Variants in KCP observed in about 807,000 individuals in gnomAD.
KCP encodes kielin/chordin-like protein.
KCP carries 194 observed loss-of-function variants against 212.7 expected under a neutral mutation model. The observed-to-expected ratio is 0.91, with a 90% CI of 0.81 to 1.03. The LOEUF is 1.03. KCP is among the 50% of genes least tolerant of loss of function. The probability of loss-of-function intolerance (pLI) is 0.00; values close to 1 mark genes in which losing one functional copy is unlikely to be tolerated. For missense variants in KCP, 2,080 were observed against 2,162.5 expected (o/e 0.96, Z 0.76); for synonymous variants, 833 against 865.3 (o/e 0.96, Z 0.65).
chr7:128,884,838 G>A lies in KCP; in HGVS notation c.3066C>T (p.Tyr1022=), dbSNP rs377524953. ...CSDCEHEGRK[Y]EPGESFQPGA... Reference sequence around the variant, plus strand: ...CAGGCTGGAAGCTCTCCCCAGGCTCGTACTTCCGGCCCTCATGCTCACAGT... The same window carrying A: ...CAGGCTGGAAGCTCTCCCCAGGCTCATACTTCCGGCCCTCATGCTCACAGT... Residue 1022 remains tyrosine, a synonymous_variant, in exon 28 of 40, where the codon TAC becomes TAT. Coordinates refer to ENST00000610776, the MANE Select transcript of KCP (RefSeq NM_001366122.1). 1.6e-4 allele frequency: 245 copies of A among 1,551,008 alleles called. 1 individual carries two copies. The Middle Eastern group carries it at 1.7e-3, about 11-fold the overall frequency.
At chr7:128,893,766 A>G in intron 11 of KCP, 40 bp downstream of exon 11, 2 of 1,534,742 alleles carry the variant, frequency 1.3e-6, no homozygotes, top group Non-Finnish European at 1.8e-6. Flanking sequence ...CTCTGCAGCC[A>G]AGGCCTGCCC....
At chr7:128,890,555 G>C in intron 20 of KCP, 42 bp from the exon 21 acceptor site, 1 of 1,509,192 alleles carries the variant, frequency 6.6e-7, no homozygotes, top group South Asian at 1.2e-5. Context: ...GGGGACTAGA[G>C]GGCTGTGGGG....
chr7:128,889,020 C>A lies in KCP; in HGVS notation c.2355G>T (p.Glu785Asp). The change falls in exon 22 of 40, where the codon GAG becomes GAT. Residue 785 changes from glutamate to aspartate, a missense_variant. Transcript: ENST00000610776. ...PDCDGCEYLG[E>D]SYLSNQEFPD... is the part of the protein sequence containing the mutation. Reference sequence around the variant, plus strand: ...GGAACTCCTGGTTACTCAGGTAGGACTCCCCCAGGTACTCACAGCCTTTCA... The same window carrying A: ...GGAACTCCTGGTTACTCAGGTAGGAATCCCCCAGGTACTCACAGCCTTTCA... The A allele has an allele frequency of 6.6e-7, 1 of 1,519,018 alleles. No homozygotes were observed. Among genetic ancestry groups the A allele is most frequent in the South Asian group, 1.2e-5 (1 of 81,572 alleles). The allele number at this position is 1,519,018 out of a possible 1,614,324, so 94.1% of individuals were successfully genotyped here.
intron 8 of KCP, among the ~76,000 whole-genome samples, chr7:128,896,427 T>A (rs1434174117): frequency 6.6e-6 from 1 of 152,126 alleles, no homozygotes; most frequent in Non-Finnish European, 1.5e-5. Context: ...CGGTTAAGAA[T>A]GGGTTTGGCA....
At chr7:128,887,033 T>G (rs1165521627) in intron 23 of KCP, 67 bp from the exon 24 acceptor site, 1 of 1,056,002 alleles carries the variant, frequency 9.5e-7, no homozygotes, top group African/African-American at 1.6e-5. Context: ...GAGCCCCTAC[T>G]GAGCCTGCAG....
chr7:128,880,493 C>G lies in KCP; in HGVS notation c.3652G>C (p.Val1218Leu). The G allele has an allele frequency of 6.5e-7, 1 of 1,529,852 alleles. No individual in the cohort carries two copies. Among genetic ancestry groups the G allele is most frequent in the Non-Finnish European group, 8.8e-7 (1 of 1,133,206 alleles). 94.8% of individuals were successfully genotyped at this position (1,529,852 alleles called of 1,614,324 possible). A position where few individuals can be genotyped will look rare whatever the true frequency, so the allele number is the denominator to read the frequency against. The part of the protein sequence containing the change: ...TQSCVHQGRE[V>L]ASGERWTVDT... ...ACAGTCCAGCGCTCTCCAGAGGCCACCTCACGGCCCTGGTGCACGCAGGAC... is the reference window on the plus strand; with the variant it reads ...ACAGTCCAGCGCTCTCCAGAGGCCAGCTCACGGCCCTGGTGCACGCAGGAC... Residue 1218 changes from valine to leucine, a missense_variant, in exon 34 of 40, where the codon GTG becomes CTG. By Grantham distance (32) the Val-to-Leu change is conservative (BLOSUM62 1). Transcript: ENST00000610776.
rs1258977482 is a variant in KCP at position 128,908,526 on chromosome 7, G to A, written c.119C>T (p.Ala40Val). 1 of 1,551,590 alleles carries A rather than the reference G, an allele frequency of 6.4e-7. No individual in the cohort carries two copies. The highest frequency in any genetic ancestry group is 2.4e-5 in the East Asian group (1 of 40,918). ...PREPPGQQTT[A>V]HSSVLAGNSQ... ...GTTCCCAGCAAGGACTGAGGAATGG[G>A]CAGTTGTCTGCTGCCCAGGGGGCTC... Residue 40 changes from alanine (A) to valine (V), a missense_variant, in exon 2 of 40, where the codon GCC (alanine) becomes GTC (valine). Transcript: ENST00000610776.
chr7:128,884,688 T>C, intron 28 of KCP, 93 bp downstream of exon 28: 1 of 1,192,786 alleles, frequency 8.4e-7, no homozygotes, highest in Non-Finnish European at 1.2e-6. Context: ...GAGTGCCTGC[T>C]CCATGCAGTG....
At chr7:128,883,228 C>T (rs1793439660) in intron 29 of KCP, among the ~76,000 whole-genome samples, 1 of 151,728 alleles carries the variant, frequency 6.6e-6, no homozygotes, top group Non-Finnish European at 1.5e-5. Context: ...CAACCTCTGC[C>T]TCCCGGGTTC....
chr7:128,883,707 G>A (rs1032042035), intron 29 of KCP, among the ~76,000 whole-genome samples: 1 of 152,188 alleles, frequency 6.6e-6, no homozygotes, highest in Non-Finnish European at 1.5e-5. Context: ...CCACCCCTGT[G>A]GCTGGGCTAC....
intron 4 of KCP, 131 bp from the exon 5 acceptor site, chr7:128,906,494 G>C (rs1795125813): frequency 2.8e-6 from 2 of 703,364 alleles, no homozygotes; most frequent in Non-Finnish European, 5.1e-6. Context: ...GTGGATGTGG[G>C]CTACCCTCTG....
Position 128,884,113 on chromosome 7 carries a change from C to CAG in KCP, c.3131_3132dup (p.Glu1045LeufsTer41), listed in dbSNP as rs1343482241. On this transcript the variant is annotated frameshift_variant, in exon 29 of 40. Transcript: ENST00000610776. LOFTEE classifies it high-confidence loss of function. ...TGACAGCGAAGGCTGGGAGGCCCCT[C>CAG]AGGCTGTGGCTACAAGAATGAGTGA... 6.5e-7 allele frequency: 1 copy of CAG among 1,544,036 alleles called. No homozygotes were observed. Among genetic ancestry groups the CAG allele is most frequent in the Non-Finnish European group, 8.7e-7 (1 of 1,145,136 alleles).
chr7:128,885,583 A>C (rs1289631935), intron 26 of KCP, among the ~76,000 whole-genome samples: 2 of 152,206 alleles, frequency 1.3e-5, no homozygotes. Context: ...TCATAAATGC[A>C]TGTGGACCAG....
intron 23 of KCP, 39 bp downstream of exon 23, chr7:128,887,176 G>A (rs1793705053): frequency 6.6e-7 from 1 of 1,515,630 alleles, no homozygotes; most frequent in South Asian, 1.2e-5. Context: ...GAGTATCAAG[G>A]GAGGAAAGGT....
chr7:128,901,920 C>T (rs1794871107), intron 8 of KCP, among the ~76,000 whole-genome samples: 1 of 152,198 alleles, frequency 6.6e-6, no homozygotes, highest in Non-Finnish European at 1.5e-5. Context: ...ACGTTCCCCT[C>T]TTTTTCCCTG....
Position 128,884,875 on chromosome 7 carries a change from A to C in KCP, c.3041-12T>G. The C allele has an allele frequency of 6.5e-7, 1 of 1,550,358 alleles. No homozygotes were observed. Among genetic ancestry groups the C allele is most frequent in the Non-Finnish European group, 8.7e-7 (1 of 1,146,746 alleles). The stretch of plus-strand genomic sequence containing the variant: ...CTCATGCTCACAGTCTTTGGGGTGG[A>C]GTGAGAGCAGAACGGGACCAGGGGT... On this transcript the variant is annotated splice_polypyrimidine_tract_variant and intron_variant, in intron 27 of 39. Coordinates refer to ENST00000610776, the MANE Select transcript of KCP (RefSeq NM_001366122.1).
At chr7:128,898,591 G>A (rs1333560053) in intron 8 of KCP, among the ~76,000 whole-genome samples, 1 of 152,200 alleles carries the variant, frequency 6.6e-6, no homozygotes, top group Non-Finnish European at 1.5e-5. Flanking sequence ...ATGTAATTGA[G>A]ACTACTGAAA....
chr7:128,893,591 A>C, intron 11 of KCP, 115 bp from the exon 12 acceptor site: 1 of 999,626 alleles, frequency 1.0e-6, no homozygotes, highest in Admixed American at 2.2e-5. Flanking sequence ...CGAGTTCTCC[A>C]GGGCGCCCTG....
chr7:128,884,207 G>T, intron 28 of KCP, 85 bp from the exon 29 acceptor site: 1 of 1,445,580 alleles, frequency 6.9e-7, no homozygotes, highest in Non-Finnish European at 9.1e-7. Context: ...CCCTCCCTCT[G>T]CCTGCTGCAG....
Sources: gnomAD v4.1 joint callset for allele counts (sites outside exome capture counted in the v4.1 genomes callset) on GRCh38, gnomAD v4.1.1 for gene constraint, MANE v1.5 for transcripts, NCBI Gene and HGNC (gene_info 2026-07-23, HGNC 2026-07-21) for gene names.